CACNA2D3: variants seen among roughly 807,000 people sequenced by gnomAD.
CACNA2D3 encodes the protein voltage-dependent calcium channel subunit alpha-2/delta-3.
In CACNA2D3, 60 loss-of-function variants were observed where a neutral mutation model predicts 160.6. The ratio of observed to expected loss-of-function variants is 0.37; its 90% CI spans 0.30 to 0.46. CACNA2D3 has a LOEUF of 0.46. CACNA2D3 is among the 20% of genes least tolerant of loss of function. CACNA2D3 has a pLI of 1.00. For missense variants in CACNA2D3, 1,205 were observed against 1,365.0 expected (o/e 0.88, Z 1.85); for synonymous variants, 558 against 492.9 (o/e 1.13, Z -1.75).
chr3:55,022,710 CT>C lies in CACNA2D3; in HGVS notation c.2987+4404del, dbSNP rs201960969. On this transcript the variant is annotated intron_variant, in intron 35 of 37. Transcript: ENST00000474759. ...TTGGATTGATTGGGTTTTTCTATTC[CT>C]TTTTTTTTTTCCATACTCTATGTAA... 1.0e-3 allele frequency among the ~76,000 whole-genome samples: 136 copies of C among 135,672 alleles called. 1 individual carries two copies. The highest frequency in any genetic ancestry group is 6.4e-3 in the South Asian group (26 of 4,088). The allele number at this position is 135,672 out of a possible 152,430, so 89.0% of individuals were successfully genotyped here.
intron 2 of CACNA2D3, among the ~76,000 whole-genome samples, chr3:54,245,223 T>A (rs4533687): frequency 0.73 from 110,095 of 151,820 alleles, 40,513 homozygotes; most frequent in African/African-American, 0.85. Context: ...TATTTTTTTT[T>A]TAAAAAATTT....
intron 14 of CACNA2D3, among the ~76,000 whole-genome samples, chr3:54,818,667 G>T (rs1193251411): frequency 2.6e-5 from 4 of 152,170 alleles, no homozygotes; most frequent in African/African-American, 9.7e-5. Context: ...GTCAAGGAAG[G>T]TACCTCAGCT....
chr3:54,704,000 C>G (rs1234544680), intron 11 of CACNA2D3, among the ~76,000 whole-genome samples: 1 of 152,210 alleles, frequency 6.6e-6, no homozygotes, highest in Non-Finnish European at 1.5e-5. Flanking sequence ...CCTAAGCTCT[C>G]TTTAATCTTG....
intron 2 of CACNA2D3, among the ~76,000 whole-genome samples, chr3:54,313,689 C>CT (rs984932870): frequency 3.9e-5 from 6 of 152,054 alleles, no homozygotes; most frequent in African/African-American, 1.4e-4. Context: ...CCCCTCTGGA[C>CT]TTCCCTCCTT....
intron 4 of CACNA2D3, among the ~76,000 whole-genome samples, chr3:54,448,109 G>A (rs1008331541): frequency 6.6e-6 from 1 of 152,116 alleles, no homozygotes; most frequent in Non-Finnish European, 1.5e-5. Flanking sequence ...GTTCAGTCTC[G>A]TCTTCCTGGG....
At chr3:54,705,813 C>T (rs758159894) in intron 11 of CACNA2D3, among the ~76,000 whole-genome samples, 10 of 152,086 alleles carry the variant, frequency 6.6e-5, no homozygotes, top group Admixed American at 1.3e-4. Context: ...ATTTGCTATG[C>T]GGATATGTGT....
intron 2 of CACNA2D3, among the ~76,000 whole-genome samples, chr3:54,281,293 A>G (rs1237240328): frequency 6.6e-6 from 1 of 152,218 alleles, no homozygotes; most frequent in Non-Finnish European, 1.5e-5. Context: ...GGAAGGCATC[A>G]CTATATTTTT....
intron 4 of CACNA2D3, among the ~76,000 whole-genome samples, chr3:54,480,966 CTCTATAATGACCA>C (rs1408843098): frequency 6.6e-6 from 1 of 152,190 alleles, no homozygotes; most frequent in African/African-American, 2.4e-5. Flanking sequence ...GGTTATTCCT[CTCTATAATGACCA>C]CAGGAGTCCC....
In CACNA2D3 at chr3:54,739,851, A is replaced by G. The variant is rs191106684; in HGVS notation, c.1168-12748A>G. On this transcript the variant is annotated intron_variant, in intron 11 of 37. Transcript: ENST00000474759. ...TAACTATTTACATTTAGTTTTATAT[A>G]TGTATAAAGAAATACATATATTTTC... Among the ~76,000 whole-genome samples the G allele has an allele frequency of 1.2e-3, 187 of 152,088 alleles. 1 individual carries two copies. Among genetic ancestry groups the G allele is most frequent in the Non-Finnish European group, 1.3e-3 (90 of 68,014 alleles).
chr3:54,531,264 T>A (rs1031597684), intron 5 of CACNA2D3, among the ~76,000 whole-genome samples: 1 of 152,244 alleles, frequency 6.6e-6, no homozygotes, highest in Non-Finnish European at 1.5e-5. Context: ...TCTGCACACC[T>A]GTTGGGGATA....
chr3:54,249,581 A>ACACACACACACACACACC (rs1485567325), intron 2 of CACNA2D3, among the ~76,000 whole-genome samples: 1 of 149,168 alleles, frequency 6.7e-6, no homozygotes, highest in South Asian at 2.2e-4. Flanking sequence ...ACACACACAC[A>ACACACACACACACACACC]CACACACCAG....
chr3:54,599,073 T>A (rs2106769752), intron 9 of CACNA2D3, among the ~76,000 whole-genome samples: 1 of 152,298 alleles, frequency 6.6e-6, no homozygotes, highest in South Asian at 2.1e-4. Context: ...AATCGCGCCC[T>A]ATTGAGTTGC....
At chr3:54,957,555 T>C (rs1701930480) in intron 27 of CACNA2D3, among the ~76,000 whole-genome samples, 1 of 152,210 alleles carries the variant, frequency 6.6e-6, no homozygotes, top group Non-Finnish European at 1.5e-5. Flanking sequence ...CAAAGCATGT[T>C]CAAACTTATC....
chr3:54,466,415 A>G (rs1318264343), intron 4 of CACNA2D3, among the ~76,000 whole-genome samples: 1 of 152,224 alleles, frequency 6.6e-6, no homozygotes, highest in Non-Finnish European at 1.5e-5. Flanking sequence ...TTGTAAAGAA[A>G]CCCACAAGCT....
chr3:54,947,874 A>G (rs1029373219), intron 27 of CACNA2D3, among the ~76,000 whole-genome samples: 2 of 152,164 alleles, frequency 1.3e-5, no homozygotes, highest in African/African-American at 4.8e-5. Context: ...AGCTGCTTCA[A>G]ACCTCACATC....
intron 3 of CACNA2D3, among the ~76,000 whole-genome samples, chr3:54,369,866 TA>T (rs1395617877): frequency 3.9e-5 from 6 of 152,344 alleles, no homozygotes; most frequent in African/African-American, 1.4e-4. Flanking sequence ...TTATATTTAT[TA>T]TTACTAGATG....
At chr3:54,172,430 C>T (rs780291799) in intron 2 of CACNA2D3, among the ~76,000 whole-genome samples, 6 of 152,164 alleles carry the variant, frequency 3.9e-5, no homozygotes, top group Non-Finnish European at 5.9e-5. Context: ...GACTCCCTCT[C>T]CCTTTGTTGT....
intron 11 of CACNA2D3, among the ~76,000 whole-genome samples, chr3:54,717,278 C>T (rs1701067749): frequency 6.6e-6 from 1 of 152,162 alleles, no homozygotes; most frequent in African/African-American, 2.4e-5. Flanking sequence ...AATTATGCTG[C>T]TGTGAAAATT....
intron 17 of CACNA2D3, among the ~76,000 whole-genome samples, chr3:54,868,689 CAT>C (rs1278264188): frequency 1.3e-5 from 2 of 152,050 alleles, no homozygotes; most frequent in African/African-American, 4.8e-5. Flanking sequence ...CAAGCAGAGA[CAT>C]ATGAATGTGA....
Sources: allele counts gnomAD v4.1 joint callset (sites outside exome capture counted in the v4.1 genomes callset), GRCh38; gene constraint gnomAD v4.1.1; transcripts MANE v1.5; gene names NCBI Gene and HGNC (gene_info 2026-07-23, HGNC 2026-07-21).